The following ADAMTSL4 variants were observed in gnomAD, a reference collection of about 807,000 sequenced individuals.
ADAMTSL4 encodes the protein ADAMTS-like protein 4.
ADAMTSL4 carries 97 observed loss-of-function variants against 122.8 expected under a neutral mutation model. The ratio of observed to expected loss-of-function variants is 0.79; its 90% CI spans 0.67 to 0.93. The LOEUF (loss-of-function observed/expected upper bound fraction) is 0.93, where lower values mean the gene tolerates loss of function less well. Ranked by LOEUF, ADAMTSL4 falls within the 40% of genes least tolerant of loss-of-function variation. The pLI is 0.00. For synonymous variants in ADAMTSL4, 592 were observed against 568.0 expected (o/e 1.04, Z -0.60); for missense variants, 1,408 against 1,453.5 (o/e 0.97, Z 0.51).
In ADAMTSL4 at chr1:150,557,159, G is replaced by A; in HGVS notation, c.1871G>A (p.Arg624Lys). The change falls in exon 12 of 19, where the codon AGG becomes AAG. Residue 624 changes from arginine (R) to lysine (K), a missense_variant. Coordinates refer to ENST00000271643, the MANE Select transcript of ADAMTSL4 (RefSeq NM_019032.6). Reference sequence around the variant, plus strand: ...CTGCTCCCCTGCACAGAGATTCTGAGGGTGGAGCCCCCACTTGCTCCGGCA... The same window carrying A: ...CTGCTCCCCTGCACAGAGATTCTGAAGGTGGAGCCCCCACTTGCTCCGGCA... Reference protein sequence around the residue: ...PVPQLQPEILRVEPPLAPAPR... With the variant: ...PVPQLQPEILKVEPPLAPAPR... The A allele has an allele frequency of 6.2e-7, 1 of 1,612,114 alleles. No individual in the cohort carries two copies. The highest frequency in any genetic ancestry group is 8.5e-7 in the Non-Finnish European group (1 of 1,179,826).
intron 5 of ADAMTSL4, 62 bp downstream of exon 5, chr1:150,553,315 G>T: frequency 6.2e-7 from 1 of 1,606,334 alleles, no homozygotes; most frequent in East Asian, 2.2e-5. Flanking sequence ...ATGAAGGAAA[G>T]GGGAGCACGG....
Position 150,552,843 on chromosome 1 carries a change from T to A in ADAMTSL4, c.79-55T>A, listed in dbSNP as rs1187633949. 3.2e-6 allele frequency: 5 copies of A among 1,567,244 alleles called. No homozygotes were observed. The highest frequency in any genetic ancestry group is 1.7e-6 in the Non-Finnish European group (2 of 1,144,930). On this transcript the variant is annotated intron_variant, in intron 4 of 18. Coordinates refer to ENST00000271643, the MANE Select transcript of ADAMTSL4 (RefSeq NM_019032.6). This position sits in a 1 kb window ranked among gnomAD's most constrained non-coding sequence, Gnocchi z 4.0. ...CCTCAGTGTTGGTCTACATGGACAC[T>A]CTGGACAGTTCCCTCTAATCCTTCC...
Position 150,558,976 on chromosome 1 carries a change from T to C in ADAMTSL4, c.2574T>C (p.Cys858=). Residue 858 remains cysteine (C), a synonymous_variant, in exon 16 of 19, where the codon TGT becomes TGC. Coordinates refer to ENST00000271643, the MANE Select transcript of ADAMTSL4 (RefSeq NM_019032.6). ...SDWSSKCSAE[C]GTGIQRRSVV... ...CTCCTCCGCAGTGCTCAGCCGAGTGTGGGACGGGAATCCAGCGGCGCTCTG... is the reference window on the plus strand; with the variant it reads ...CTCCTCCGCAGTGCTCAGCCGAGTGCGGGACGGGAATCCAGCGGCGCTCTG... 6.2e-7 allele frequency: 1 copy of C among 1,609,496 alleles called. No individual in the cohort carries two copies. Among genetic ancestry groups the C allele is most frequent in the Non-Finnish European group, 8.5e-7 (1 of 1,179,088 alleles).
chr1:150,558,290 T>C, intron 14 of ADAMTSL4, 141 bp downstream of exon 14: 3 of 1,519,962 alleles, frequency 2.0e-6, no homozygotes, highest in Non-Finnish European at 2.6e-6. Context: ...AGAAGTCAGA[T>C]AAGGGACTGA....
intron 2 of ADAMTSL4, chr1:150,550,633 G>A (rs1560281592): frequency 2.4e-6 from 1 of 417,022 alleles, no homozygotes. Flanking sequence ...ACAAGAGTCA[G>A]GCAGAGCCTG....
rs1258081370 is a variant in ADAMTSL4 at position 150,555,527 on chromosome 1, C to T, written c.1333C>T (p.Pro445Ser). Residue 445 changes from proline to serine, a missense_variant, in exon 8 of 19, where the codon CCT (proline) becomes TCT (serine). Pro to Ser is a moderately conservative substitution (Grantham distance 74). Coordinates refer to ENST00000271643, the MANE Select transcript of ADAMTSL4 (RefSeq NM_019032.6). Reference protein sequence around the residue: ...EKVQDGTLCQPGAPDICVAGR... With the variant: ...EKVQDGTLCQSGAPDICVAGR... The stretch of plus-strand genomic sequence containing the variant: ...GGTCCAGGATGGGACCCTGTGTCAG[C>T]CTGGAGCCCCTGACATCTGTGTGGC... 8 of 1,614,030 alleles carry T rather than the reference C, an allele frequency of 5.0e-6. No individual in the cohort carries two copies. The highest frequency in any genetic ancestry group is 6.8e-6 in the Non-Finnish European group (8 of 1,180,030).
intron 2 of ADAMTSL4, 171 bp downstream of exon 2, chr1:150,550,066 A>G (rs1671239305): frequency 5.7e-6 from 2 of 353,402 alleles, no homozygotes; most frequent in Non-Finnish European, 5.7e-6. Flanking sequence ...GGGTCCAACC[A>G]CTCTCCAGCA....
chr1:150,557,103 G>T (rs772682606), intron 11 of ADAMTSL4, 47 bp from the exon 12 acceptor site: 2 of 1,613,100 alleles, frequency 1.2e-6, no homozygotes, highest in South Asian at 2.2e-5. Flanking sequence ...TGCAGGGCTG[G>T]CTCGGGGCAG....
chr1:150,559,377 A>G lies in ADAMTSL4; in HGVS notation c.2854A>G (p.Asn952Asp). 6.2e-7 allele frequency: 1 copy of G among 1,613,872 alleles called. No individual in the cohort carries two copies. Among genetic ancestry groups the G allele is most frequent in the Non-Finnish European group, 8.5e-7 (1 of 1,180,006 alleles). Residue 952 changes from asparagine to aspartate, a missense_variant, in exon 17 of 19, where the codon AAC becomes GAC. Coordinates refer to ENST00000271643, the MANE Select transcript of ADAMTSL4 (RefSeq NM_019032.6). This position sits in a 1 kb window ranked among gnomAD's most constrained non-coding sequence, Gnocchi z 4.1. ...GGAGTTCAACGTGACTTCTCCGAGC[A>G]ACTGTTCTCACCTCCCCAGGCCCCC... Reference protein sequence around the residue: ...GTEFNVTSPSNCSHLPRPPAL... With the variant: ...GTEFNVTSPSDCSHLPRPPAL...
Position 150,552,232 on chromosome 1 carries a change from C to A in ADAMTSL4, c.-57C>A, listed in dbSNP as rs587722680. 139 of 1,533,484 alleles carry A rather than the reference C, an allele frequency of 9.1e-5. No individual in the cohort carries two copies. The African/African-American group carries it at 1.8e-3, about 20-fold the overall frequency. 95.0% of individuals were successfully genotyped at this position (1,533,484 alleles called of 1,614,324 possible). On this transcript the variant is annotated 5_prime_UTR_variant, in exon 3 of 19. Transcript: ENST00000271643. This position sits in a 1 kb window ranked among gnomAD's most constrained non-coding sequence, Gnocchi z 4.0. ...AGCACCCTCCACGCCCAGATGCCTG[C>A]GTAGTTTTTGTGACCAGTCCGCTCC...
chr1:150,558,174 G>T, intron 14 of ADAMTSL4, 25 bp downstream of exon 14: 1 of 1,612,964 alleles, frequency 6.2e-7, no homozygotes, highest in Non-Finnish European at 8.5e-7. Flanking sequence ...GCAAGGAGGT[G>T]CTGGGGAGGG....
intron 2 of ADAMTSL4, chr1:150,550,881 A>G (rs1399690222): frequency 2.2e-6 from 1 of 456,474 alleles, no homozygotes; most frequent in Non-Finnish European, 4.4e-6. Context: ...GCCCCCAGGC[A>G]CATTCCTACC....
In ADAMTSL4 at chr1:150,560,608, A is replaced by G. The variant is rs1672663587; in HGVS notation, c.*412A>G. On this transcript the variant is annotated 3_prime_UTR_variant, in exon 19 of 19. Coordinates refer to ENST00000271643, the MANE Select transcript of ADAMTSL4 (RefSeq NM_019032.6). ...CCACCAACTCCAGTTTTGTGCCCTA[A>G]GCCTCATTTCTCATGTTCAGACCTC... 3.9e-6 allele frequency: 1 copy of G among 255,356 alleles called. No homozygotes were observed. The highest frequency in any genetic ancestry group is 7.8e-6 in the Non-Finnish European group (1 of 128,280). 15.8% of individuals were successfully genotyped at this position (255,356 alleles called of 1,614,324 possible). A position where few individuals can be genotyped will look rare whatever the true frequency, so the allele number is the denominator to read the frequency against.
At chr1:150,555,837 G>C in intron 8 of ADAMTSL4, 1 of 610,494 alleles carries the variant, frequency 1.6e-6, no homozygotes. Flanking sequence ...GCAGACACAT[G>C]CACACACATG....
chr1:150,557,632 G>A lies in ADAMTSL4; in HGVS notation c.2177+9G>A, dbSNP rs750523236. ...ACCCCATGCCCCCCATAGTGAGTAT[G>A]GGGGAGCCCACGGGGAGGGTTAGGG... is the stretch of plus-strand genomic sequence containing the variant. On this transcript the variant is annotated intron_variant, in intron 13 of 18. Transcript: ENST00000271643. 8.6e-5 allele frequency: 138 copies of A among 1,598,258 alleles called. No homozygotes were observed. Among genetic ancestry groups the A allele is most frequent in the Non-Finnish European group, 1.1e-4 (133 of 1,172,818 alleles).
Position 150,553,481 on chromosome 1 carries a change from TTTGCA to T in ADAMTSL4, c.495_499del (p.Leu166ThrfsTer15). 1 of 1,613,774 alleles carries T rather than the reference TTTGCA, an allele frequency of 6.2e-7. No individual in the cohort carries two copies. Among genetic ancestry groups the T allele is most frequent in the Non-Finnish European group, 8.5e-7 (1 of 1,179,946 alleles). On this transcript the variant is annotated frameshift_variant, in exon 6 of 19. Coordinates refer to ENST00000271643, the MANE Select transcript of ADAMTSL4 (RefSeq NM_019032.6). LOFTEE classifies it high-confidence loss of function. Reference sequence around the variant, plus strand: ...AATGTTCGGTTATGGGAGAGTGCCCTTTGCATTGCCACTGCACCGGAACCGCAGGC... The same window carrying T: ...AATGTTCGGTTATGGGAGAGTGCCCTTTGCCACTGCACCGGAACCGCAGGC...
rs752923405 is a variant in ADAMTSL4 at position 150,555,443 on chromosome 1, C to A, written c.1249C>A (p.Arg417Ser). 1.2e-6 allele frequency: 2 copies of A among 1,614,018 alleles called. No individual in the cohort carries two copies. The highest frequency in any genetic ancestry group is 1.7e-6 in the Non-Finnish European group (2 of 1,180,020). The change falls in exon 8 of 19, where the codon CGC becomes AGC. Residue 417 changes from arginine (R) to serine (S), a missense_variant. Coordinates refer to ENST00000271643, the MANE Select transcript of ADAMTSL4 (RefSeq NM_019032.6). ...EPFTEVQGSQ[R>S]CELNCRPRGF... ...CTGTCCCTTAGTCCAGGGCTCCCAG[C>A]GCTGTGAACTGAACTGCCGGCCCCG...
rs774821764 is a variant in ADAMTSL4 at position 150,556,020 on chromosome 1, G to T, written c.1372-142G>T. On this transcript the variant is annotated intron_variant, in intron 8 of 18. Transcript: ENST00000271643. This position sits in a 1 kb window ranked among gnomAD's most constrained non-coding sequence, Gnocchi z 4.1. ...GCACCTGTCCATGTCCCTGGGTCTG[G>T]CTGGGGATGGTGGGGCTGTTTTTGT... 4 of 828,108 alleles carry T rather than the reference G, an allele frequency of 4.8e-6. No individual in the cohort carries two copies. In the African/African-American group the frequency reaches 6.7e-5, roughly 14 times the overall value. The allele number at this position is 828,108 out of a possible 1,614,324, so 51.3% of individuals were successfully genotyped here.
At position 150,554,222 on chromosome 1, in the gene ADAMTSL4, G is replaced by A; in HGVS notation, c.1131+100G>A. On this transcript the variant is annotated intron_variant, in intron 6 of 18. Transcript: ENST00000271643. The surrounding 1 kb of genome is among the most constrained non-coding windows in gnomAD (Gnocchi z 4.0). ...CTTCCGCTTGGCACCTGAGGGAGAAGGGCCTTGGCATCTGACCACCTCAGG... is the reference window on the plus strand; with the variant it reads ...CTTCCGCTTGGCACCTGAGGGAGAAAGGCCTTGGCATCTGACCACCTCAGG... The A allele has an allele frequency of 2.0e-6, 3 of 1,489,052 alleles. No individual in the cohort carries two copies. The highest frequency in any genetic ancestry group is 2.8e-6 in the Non-Finnish European group (3 of 1,082,554). 92.2% of individuals were successfully genotyped at this position (1,489,052 alleles called of 1,614,324 possible). A position where few individuals can be genotyped will look rare whatever the true frequency, so the allele number is the denominator to read the frequency against.
Sources: allele counts gnomAD v4.1 joint callset, GRCh38; gene constraint gnomAD v4.1.1; non-coding constraint Gnocchi (gnomAD v3.1); transcripts MANE v1.5; gene names NCBI Gene and HGNC (gene_info 2026-07-23, HGNC 2026-07-21).